ACTR3C: variants seen among roughly 807,000 people sequenced by gnomAD.
The protein encoded by ACTR3C is actin related protein 3C.
ACTR3C carries 18 observed loss-of-function variants against 26.3 expected under a neutral mutation model. That is an observed-to-expected ratio of 0.68 (90% CI 0.47 to 1.01). The LOEUF (loss-of-function observed/expected upper bound fraction) is 1.01, where lower values mean the gene tolerates loss of function less well. Among genes scored for constraint, ACTR3C ranks in the 50% least tolerant of loss-of-function variants. The pLI is 0.00. For missense variants in ACTR3C, 184 were observed against 250.7 expected, an observed-to-expected ratio of 0.73 and a Z score of 1.80; for synonymous variants, 55 against 94.5, an observed-to-expected ratio of 0.58 and a Z score of 2.42.
At chr7:150,019,593 AAATAAAAATAAT>A in the ACTR3C span, among the ~76,000 whole-genome samples, 50,632 of 123,962 alleles carry the variant, frequency 0.41, 8,907 homozygotes, top group East Asian at 0.52. Flanking sequence ...TCTGTCTCAA[AAATAAAAATAAT>A]AATAATAATA....
chr7:150,070,175 T>G, the ACTR3C span, among the ~76,000 whole-genome samples: 43 of 152,244 alleles, frequency 2.8e-4, no homozygotes, highest in East Asian at 8.3e-3. Flanking sequence ...CCCAGGCCCA[T>G]GCTCCAGATG....
the ACTR3C span, among the ~76,000 whole-genome samples, chr7:150,192,789 A>G: frequency 1.3e-5 from 2 of 152,210 alleles, no homozygotes; most frequent in East Asian, 3.8e-4. Flanking sequence ...TTGTCCTTGA[A>G]TAAGGAATCC....
the ACTR3C span, among the ~76,000 whole-genome samples, chr7:149,895,053 C>A: frequency 1.3e-5 from 2 of 151,368 alleles, no homozygotes; most frequent in Non-Finnish European, 2.9e-5. Context: ...TACTATTCAG[C>A]CATTTAAAAA....
At chr7:150,058,662 A>C in the ACTR3C span, among the ~76,000 whole-genome samples, 1 of 152,210 alleles carries the variant, frequency 6.6e-6, no homozygotes, top group Non-Finnish European at 1.5e-5. Flanking sequence ...CACGCCTGTA[A>C]TCTCAGCACT....
At chr7:150,142,525 G>GT in the ACTR3C span, among the ~76,000 whole-genome samples, 15 of 152,080 alleles carry the variant, frequency 9.9e-5, no homozygotes, top group African/African-American at 3.6e-4. Context: ...CTATTTGCTT[G>GT]TTTTTTTGTT....
At chr7:150,053,558 G>T in the ACTR3C span, among the ~76,000 whole-genome samples, 2 of 146,318 alleles carry the variant, frequency 1.4e-5, no homozygotes, top group Non-Finnish European at 3.0e-5. Context: ...TCTGTGAGCC[G>T]CAGGGAACAA....
At chr7:150,094,076 A>G in the ACTR3C span, among the ~76,000 whole-genome samples, 1 of 150,544 alleles carries the variant, frequency 6.6e-6, no homozygotes, top group Non-Finnish European at 1.5e-5. Flanking sequence ...TGCAGAGCTC[A>G]GCTTTCAACT....
the ACTR3C span, among the ~76,000 whole-genome samples, chr7:149,884,932 G>T: frequency 6.6e-6 from 1 of 152,208 alleles, no homozygotes; most frequent in South Asian, 2.1e-4. Context: ...CAAGGGTTTT[G>T]GTGCTAACTG....
the ACTR3C span, among the ~76,000 whole-genome samples, chr7:149,886,601 C>T: frequency 6.6e-6 from 1 of 152,156 alleles, no homozygotes; most frequent in African/African-American, 2.4e-5. Context: ...GGCACATGAA[C>T]ACACAGACGA....
chr7:150,165,766 G>A, the ACTR3C span, among the ~76,000 whole-genome samples: 4 of 143,992 alleles, frequency 2.8e-5, 1 homozygote, highest in African/African-American at 8.9e-5. Flanking sequence ...GTCCATTCCT[G>A]CTCTCCCTCT....
chr7:149,975,732 G>T, the ACTR3C span, among the ~76,000 whole-genome samples: 1 of 152,176 alleles, frequency 6.6e-6, no homozygotes, highest in African/African-American at 2.4e-5. Context: ...AGTTATGGAG[G>T]AAGGCGCCCC....
chr7:150,185,842 G>C, the ACTR3C span, among the ~76,000 whole-genome samples: 4 of 152,142 alleles, frequency 2.6e-5, no homozygotes, highest in African/African-American at 4.8e-5. Flanking sequence ...TGTTCCTTAC[G>C]GGGCCCAGCC....
chr7:149,983,488 G>T, the ACTR3C span, among the ~76,000 whole-genome samples: 1 of 116,768 alleles, frequency 8.6e-6, no homozygotes, highest in African/African-American at 3.1e-5. Context: ...TGTTGACAAG[G>T]ATGTGTAGAA....
At chr7:149,915,701 T>A in the ACTR3C span, among the ~76,000 whole-genome samples, 1 of 151,160 alleles carries the variant, frequency 6.6e-6, no homozygotes, top group Non-Finnish European at 1.5e-5. Flanking sequence ...TAAAGAGCCA[T>A]TATAAAGTGT....
At chr7:149,897,738 C>T in the ACTR3C span, among the ~76,000 whole-genome samples, 20 of 152,232 alleles carry the variant, frequency 1.3e-4, no homozygotes, top group South Asian at 2.1e-3. Flanking sequence ...ATTAGCTGGG[C>T]GTGGTGGCCC....
At chr7:149,900,582 A>G in the ACTR3C span, among the ~76,000 whole-genome samples, 1 of 151,820 alleles carries the variant, frequency 6.6e-6, no homozygotes, top group African/African-American at 2.4e-5. Context: ...GTACATCAAG[A>G]AAAAAGAAAG....
At chr7:150,069,884 A>G in the ACTR3C span, among the ~76,000 whole-genome samples, 2 of 152,242 alleles carry the variant, frequency 1.3e-5, no homozygotes, top group East Asian at 1.9e-4. Context: ...GTCACCAGGG[A>G]CTTCTGCGGG....
chr7:150,064,738 T>G, the ACTR3C span, among the ~76,000 whole-genome samples: 8 of 151,482 alleles, frequency 5.3e-5, no homozygotes, highest in Non-Finnish European at 1.2e-4. Flanking sequence ...CTCCTTTCAC[T>G]GGGCTTAGTC....
At chr7:150,002,528 C>T in the ACTR3C span, 1 of 152,172 alleles carries the variant, frequency 6.6e-6, no homozygotes, top group Non-Finnish European at 1.5e-5. Flanking sequence ...TGGGAACGTC[C>T]CCTGACCTTT....
Sources: gnomAD v4.1 joint callset for allele counts (sites outside exome capture counted in the v4.1 genomes callset) on GRCh38, gnomAD v4.1.1 for gene constraint, MANE v1.5 for transcripts, NCBI Gene and HGNC (gene_info 2026-07-23, HGNC 2026-07-21) for gene names.